Variants in DOCK5 observed in about 807,000 individuals in gnomAD.
The protein encoded by DOCK5 is dedicator of cytokinesis protein 5.
A neutral mutation model predicts 251.8 loss-of-function variants in DOCK5; 142 were observed. That is an observed-to-expected ratio of 0.56 (90% CI 0.49 to 0.65). DOCK5 has a LOEUF of 0.65. Among genes scored for constraint, DOCK5 ranks in the 30% least tolerant of loss-of-function variants. DOCK5 has a pLI of 0.00. For missense variants in DOCK5, 2,111 were observed against 2,312.3 expected (o/e 0.91, Z 1.79); for synonymous variants, 842 against 835.5 (o/e 1.01, Z -0.13).
At chr8:25,214,450 G>A (rs1030135440) in intron 1 of DOCK5, among the ~76,000 whole-genome samples, 1 of 152,160 alleles carries the variant, frequency 6.6e-6, no homozygotes, top group Non-Finnish European at 1.5e-5. Flanking sequence ...AAAAGGAAAA[G>A]TGGCATTTTC....
intron 1 of DOCK5, among the ~76,000 whole-genome samples, chr8:25,223,148 AAGGTT>A (rs1276499175): frequency 1.3e-5 from 2 of 152,158 alleles, no homozygotes; most frequent in African/African-American, 4.8e-5. Context: ...TTGATATGTG[AAGGTT>A]TTTAAAAAAA....
intron 6 of DOCK5, among the ~76,000 whole-genome samples, chr8:25,292,408 G>A (rs144434552): frequency 1.1e-4 from 16 of 152,238 alleles, no homozygotes; most frequent in Non-Finnish European, 1.8e-4. Flanking sequence ...GATCAGGAAA[G>A]ATGGGTCTTG....
intron 2 of DOCK5, among the ~76,000 whole-genome samples, chr8:25,256,181 C>G (rs1418134679): frequency 2.0e-5 from 3 of 152,104 alleles, no homozygotes; most frequent in Non-Finnish European, 4.4e-5. Flanking sequence ...GTCATGCAAC[C>G]AAGAATATTA....
At chr8:25,285,913 A>G (rs1306648777) in intron 5 of DOCK5, among the ~76,000 whole-genome samples, 2 of 152,174 alleles carry the variant, frequency 1.3e-5, no homozygotes, top group Non-Finnish European at 2.9e-5. Context: ...GGCACCAGAC[A>G]TGGGTGGTGC....
intron 40 of DOCK5, among the ~76,000 whole-genome samples, chr8:25,387,146 G>T (rs2117312614): frequency 6.6e-6 from 1 of 150,710 alleles, no homozygotes; most frequent in East Asian, 2.0e-4. Flanking sequence ...TTTTGTTTCT[G>T]TCAGGGGTAC....
chr8:25,343,557 G>A (rs1378955424), intron 25 of DOCK5, among the ~76,000 whole-genome samples: 10 of 152,108 alleles, frequency 6.6e-5, no homozygotes, highest in Non-Finnish European at 7.4e-5. Context: ...GGAACCTCAG[G>A]AAGTAACAAG....
At chr8:25,289,726 C>T (rs1165883160) in intron 5 of DOCK5, among the ~76,000 whole-genome samples, 2 of 151,882 alleles carry the variant, frequency 1.3e-5, no homozygotes, top group Admixed American at 6.6e-5. Flanking sequence ...CCTGTAATCC[C>T]AGCTACTTGG....
chr8:25,220,586 A>C (rs1173491987), intron 1 of DOCK5, among the ~76,000 whole-genome samples: 3 of 152,030 alleles, frequency 2.0e-5, no homozygotes, highest in Non-Finnish European at 4.4e-5. Flanking sequence ...GGTGTCCCTG[A>C]GGCCGGAACA....
chr8:25,359,409 G>A (rs1800637137), intron 28 of DOCK5, among the ~76,000 whole-genome samples: 1 of 152,082 alleles, frequency 6.6e-6, no homozygotes, highest in African/African-American at 2.4e-5. Context: ...TTAGAAGGCA[G>A]GGGTGTGCAA....
At chr8:25,248,310 G>A (rs1294897983) in intron 2 of DOCK5, among the ~76,000 whole-genome samples, 1 of 152,144 alleles carries the variant, frequency 6.6e-6, no homozygotes, top group African/African-American at 2.4e-5. Flanking sequence ...GGAGTGCTTT[G>A]CAAACATGAA....
intron 28 of DOCK5, among the ~76,000 whole-genome samples, chr8:25,361,609 A>G (rs1018538445): frequency 1.3e-5 from 2 of 152,302 alleles, no homozygotes; most frequent in Non-Finnish European, 2.9e-5. Context: ...GCAAGACTCC[A>G]TCTCGAAATA....
At chr8:25,243,586 C>T in intron 1 of DOCK5, 88 bp from the exon 2 acceptor site, 14 of 1,289,102 alleles carry the variant, frequency 1.1e-5, no homozygotes, top group Non-Finnish European at 1.3e-5. Flanking sequence ...ACCTCACCCT[C>T]TCAAAGTGCT....
intron 27 of DOCK5, among the ~76,000 whole-genome samples, chr8:25,352,805 G>A (rs1800493835): frequency 6.6e-6 from 1 of 152,082 alleles, no homozygotes; most frequent in Non-Finnish European, 1.5e-5. Context: ...ACTACATAGT[G>A]TTAGGAGGCA....
At chr8:25,302,282 T>C (rs1269352680) in intron 9 of DOCK5, 43 bp from the exon 10 acceptor site, 3 of 1,549,786 alleles carry the variant, frequency 1.9e-6, no homozygotes, top group Non-Finnish European at 2.6e-6. Context: ...GGTGACACAG[T>C]GGTCCAGCCC....
At chr8:25,282,968 G>A (rs564432705) in intron 5 of DOCK5, among the ~76,000 whole-genome samples, 6 of 145,908 alleles carry the variant, frequency 4.1e-5, no homozygotes, top group East Asian at 4.2e-4. Flanking sequence ...AGAAATGTAC[G>A]TTGTGGATCC....
chr8:25,281,431 C>G (rs1804189108), intron 5 of DOCK5, among the ~76,000 whole-genome samples: 1 of 79,056 alleles, frequency 1.3e-5, no homozygotes. Context: ...AAGAGTGAAA[C>G]TCCGTCTCAA....
At chr8:25,291,940 A>C in intron 5 of DOCK5, 84 bp from the exon 6 acceptor site, 1 of 1,355,536 alleles carries the variant, frequency 7.4e-7, no homozygotes, top group Non-Finnish European at 9.8e-7. Context: ...CCCGTTAAAA[A>C]CAAACAAATA....
intron 5 of DOCK5, among the ~76,000 whole-genome samples, chr8:25,284,490 T>C (rs1804281319): frequency 6.6e-6 from 1 of 152,222 alleles, no homozygotes; most frequent in Non-Finnish European, 1.5e-5. Flanking sequence ...GGGCAGATAA[T>C]GTCTAGCCTC....
chr8:25,366,141 T>A (rs952824094), intron 30 of DOCK5, among the ~76,000 whole-genome samples: 1 of 152,220 alleles, frequency 6.6e-6, no homozygotes, highest in Non-Finnish European at 1.5e-5. Flanking sequence ...ATTGTTTCCA[T>A]TTTCTATTAT....
Sources: allele counts gnomAD v4.1 joint callset (sites outside exome capture counted in the v4.1 genomes callset), GRCh38; gene constraint gnomAD v4.1.1; transcripts MANE v1.5; gene names NCBI Gene and HGNC (gene_info 2026-07-23, HGNC 2026-07-21).